Variants in SUZ12 observed in about 807,000 individuals in gnomAD.
SUZ12 encodes the protein polycomb protein SUZ12.
Under a neutral mutation model 87.3 loss-of-function variants are expected in SUZ12, and 17 were observed. That is an observed-to-expected ratio of 0.19 (90% CI 0.13 to 0.29). The LOEUF is 0.29. Ranked by LOEUF, SUZ12 falls within the 10% of genes least tolerant of loss-of-function variation. SUZ12 has a pLI of 1.00. For synonymous variants in SUZ12, 253 were observed against 312.4 expected (o/e 0.81, Z 2.01); for missense variants, 526 against 912.2 (o/e 0.58, Z 5.45).
Position 31,999,248 on chromosome 17 carries a change from A to G in SUZ12, c.*245A>G, listed in dbSNP as rs1453684885. The G allele has an allele frequency of 1.3e-5, 4 of 311,230 alleles. No individual in the cohort carries two copies. The highest frequency in any genetic ancestry group is 2.1e-5 in the African/African-American group (1 of 47,174). The allele number at this position is 311,230 out of a possible 1,614,324, so 19.3% of individuals were successfully genotyped here. Reference sequence around the variant, plus strand: ...CTTTAAGCATGAAAAGCAATATTTCAAAGTATTTTTAAACTCAACAAATGT... The same window carrying G: ...CTTTAAGCATGAAAAGCAATATTTCGAAGTATTTTTAAACTCAACAAATGT... On this transcript the variant is annotated 3_prime_UTR_variant, in exon 16 of 16. Coordinates refer to ENST00000322652, the MANE Select transcript of SUZ12 (RefSeq NM_015355.4).
chr17:31,986,993 G>A (rs1909455009), intron 9 of SUZ12, among the ~76,000 whole-genome samples: 1 of 152,070 alleles, frequency 6.6e-6, no homozygotes, highest in South Asian at 2.1e-4. Context: ...AAAATCAGAA[G>A]CAAGTAGAAC....
chr17:31,967,500 T>C (rs1405898709), intron 5 of SUZ12: 1 of 151,660 alleles, frequency 6.6e-6, no homozygotes, highest in Non-Finnish European at 1.5e-5. Flanking sequence ...ACAAAAAAAC[T>C]AGCTGGGTGT....
intron 5 of SUZ12, among the ~76,000 whole-genome samples, chr17:31,968,636 G>A (rs1470733219): frequency 3.3e-5 from 5 of 152,186 alleles, no homozygotes; most frequent in Admixed American, 2.0e-4. Context: ...TTATATAGAA[G>A]TAACCTGGGT....
chr17:31,975,996 T>C (rs1280533851), intron 7 of SUZ12, among the ~76,000 whole-genome samples: 1 of 152,252 alleles, frequency 6.6e-6, no homozygotes. Context: ...CTTCCAACAA[T>C]TGTGAATTCA....
At chr17:31,961,344 C>G (rs1190915226) in intron 4 of SUZ12, among the ~76,000 whole-genome samples, 1 of 152,074 alleles carries the variant, frequency 6.6e-6, no homozygotes, top group African/African-American at 2.4e-5. Context: ...GTCAGGAGTT[C>G]TAGACCAGCC....
intron 6 of SUZ12, among the ~76,000 whole-genome samples, chr17:31,974,015 C>T (rs565644629): frequency 6.6e-6 from 1 of 152,076 alleles, no homozygotes; most frequent in East Asian, 1.9e-4. Context: ...TGCTTGAACC[C>T]AGGAGTTAAG....
At chr17:31,965,169 C>T (rs1171132295) in intron 4 of SUZ12, among the ~76,000 whole-genome samples, 1 of 151,958 alleles carries the variant, frequency 6.6e-6, no homozygotes, top group Non-Finnish European at 1.5e-5. Context: ...TATATATATG[C>T]CCTTTACTAG....
chr17:31,961,789 A>G (rs1275806820), intron 4 of SUZ12, among the ~76,000 whole-genome samples: 2 of 152,208 alleles, frequency 1.3e-5, no homozygotes, highest in Non-Finnish European at 2.9e-5. Flanking sequence ...GGGTAAATAA[A>G]TGTAAGATCT....
intron 5 of SUZ12, among the ~76,000 whole-genome samples, chr17:31,969,432 A>G (rs546630968): frequency 5.9e-5 from 9 of 152,118 alleles, no homozygotes; most frequent in African/African-American, 2.2e-4. Flanking sequence ...TTCAGTAGGC[A>G]TGAGCCACCG....
intron 4 of SUZ12, among the ~76,000 whole-genome samples, chr17:31,947,992 T>C (rs1485687730): frequency 6.6e-6 from 1 of 152,150 alleles, no homozygotes; most frequent in East Asian, 1.9e-4. Context: ...CCACCTCATT[T>C]AAAGAGGGAT....
intron 4 of SUZ12, among the ~76,000 whole-genome samples, chr17:31,956,073 C>T (rs577535156): frequency 2.6e-4 from 40 of 151,912 alleles, no homozygotes; most frequent in East Asian, 7.8e-4. Flanking sequence ...CCACCACGCC[C>T]GGCTAATTTT....
At chr17:31,994,335 G>A (rs1909863274) in intron 12 of SUZ12, 3 of 459,786 alleles carry the variant, frequency 6.5e-6, no homozygotes, top group South Asian at 4.7e-5. Flanking sequence ...TCTTATTCTT[G>A]CTCAACCAAG....
At chr17:31,979,619 T>A (rs1284944294) in intron 8 of SUZ12, among the ~76,000 whole-genome samples, 1 of 152,212 alleles carries the variant, frequency 6.6e-6, no homozygotes, top group Non-Finnish European at 1.5e-5. Context: ...AGGTTAAATA[T>A]TTTTGGCAGG....
chr17:31,986,014 GGT>G (rs549135769), intron 9 of SUZ12, among the ~76,000 whole-genome samples: 43 of 151,924 alleles, frequency 2.8e-4, no homozygotes, highest in African/African-American at 8.0e-4. Flanking sequence ...GTCACCCAGA[GGT>G]GGAGTGCAAT....
chr17:31,946,457 G>T (rs369077830), intron 3 of SUZ12, among the ~76,000 whole-genome samples: 1 of 152,108 alleles, frequency 6.6e-6, no homozygotes, highest in African/African-American at 2.4e-5. Context: ...GCCTGAACCC[G>T]GGAGGTGGAG....
chr17:31,955,484 C>T (rs766216342), intron 4 of SUZ12, among the ~76,000 whole-genome samples: 1 of 152,034 alleles, frequency 6.6e-6, no homozygotes, highest in Non-Finnish European at 1.5e-5. Context: ...CACGGTGACT[C>T]ATGCCTGTAG....
At chr17:31,979,516 C>G (rs1908972247) in intron 8 of SUZ12, among the ~76,000 whole-genome samples, 1 of 152,134 alleles carries the variant, frequency 6.6e-6, no homozygotes, top group African/African-American at 2.4e-5. Flanking sequence ...TTCTCCCTAC[C>G]TTCTGTGACA....
intron 4 of SUZ12, among the ~76,000 whole-genome samples, chr17:31,951,207 A>G (rs1159194954): frequency 2.0e-5 from 3 of 152,184 alleles, no homozygotes; most frequent in Non-Finnish European, 2.9e-5. Flanking sequence ...CCTGAGCCCA[A>G]TATATTTCAT....
At chr17:31,958,255 C>T (rs1246849557) in intron 4 of SUZ12, among the ~76,000 whole-genome samples, 4 of 152,066 alleles carry the variant, frequency 2.6e-5, no homozygotes, top group Non-Finnish European at 5.9e-5. Context: ...AGTGTGACCT[C>T]GAACTACTGA....
Sources: allele counts gnomAD v4.1 joint callset (sites outside exome capture counted in the v4.1 genomes callset), GRCh38; gene constraint gnomAD v4.1.1; transcripts MANE v1.5; gene names NCBI Gene and HGNC (gene_info 2026-07-23, HGNC 2026-07-21).